The following RIT2 variants were observed in gnomAD, a reference collection of about 807,000 sequenced individuals.
RIT2 encodes GTP-binding protein Rit2.
Under a neutral mutation model 23.7 loss-of-function variants are expected in RIT2, and 24 were observed. The observed-to-expected ratio is 1.01, with a 90% confidence interval of 0.73 to 1.43. The LOEUF is 1.43. RIT2 is among the 40% of genes most tolerant of loss of function. The pLI is 0.00. For synonymous variants in RIT2, 107 were observed against 91.1 expected (o/e 1.17, Z -0.99); for missense variants, 236 against 266.9 (o/e 0.88, Z 0.81).
chr18:42,830,723 A>G (rs1455687525), intron 4 of RIT2, among the ~76,000 whole-genome samples: 1 of 152,212 alleles, frequency 6.6e-6, no homozygotes, highest in Non-Finnish European at 1.5e-5. Flanking sequence ...TGCCTTGTAA[A>G]TATAAAAACA....
chr18:43,004,407 A>C (rs570024905), intron 2 of RIT2, among the ~76,000 whole-genome samples: 1 of 151,968 alleles, frequency 6.6e-6, no homozygotes, highest in Non-Finnish European at 1.5e-5. Flanking sequence ...CTTAGCTTAC[A>C]TAAATTAGGG....
At chr18:42,989,884 T>C (rs910810237) in intron 2 of RIT2, among the ~76,000 whole-genome samples, 3 of 152,038 alleles carry the variant, frequency 2.0e-5, no homozygotes, top group Non-Finnish European at 4.4e-5. Context: ...AACTATTTCA[T>C]AGTTTACTTT....
chr18:42,877,282 C>T (rs192705356), intron 4 of RIT2, among the ~76,000 whole-genome samples: 392 of 151,730 alleles, frequency 2.6e-3, no homozygotes, highest in Middle Eastern at 0.014. Context: ...TATTCCTGCT[C>T]TATTTTTGAC....
intron 4 of RIT2, among the ~76,000 whole-genome samples, chr18:42,868,078 T>C (rs985656989): frequency 3.3e-5 from 5 of 152,218 alleles, no homozygotes; most frequent in Admixed American, 2.6e-4. Context: ...TCTTAACTTA[T>C]ACTATGAGAT....
In RIT2 at chr18:42,843,162, T is replaced by C. The variant is rs75487322; in HGVS notation, c.426+80410A>G. On this transcript the variant is annotated intron_variant, in intron 4 of 4. Coordinates refer to ENST00000326695, the MANE Select transcript of RIT2 (RefSeq NM_002930.4). Reference sequence around the variant, plus strand: ...GCAGTAGGTAAACACTCACCTCACATAGAATGTGATGAGTGCTATAGTTAG... The same window carrying C: ...GCAGTAGGTAAACACTCACCTCACACAGAATGTGATGAGTGCTATAGTTAG... 4.1e-3 allele frequency among the ~76,000 whole-genome samples: 617 copies of C among 152,304 alleles called. 1 individual carries two copies. The highest frequency in any genetic ancestry group is 0.014 in the Middle Eastern group (4 of 294).
chr18:43,076,772 A>G (rs140555502), intron 1 of RIT2, among the ~76,000 whole-genome samples: 31 of 152,342 alleles, frequency 2.0e-4, no homozygotes, highest in African/African-American at 7.5e-4. Context: ...AGAGACATTC[A>G]GATAGCAATG....
intron 4 of RIT2, among the ~76,000 whole-genome samples, chr18:42,788,985 T>G (rs1913981262): frequency 6.6e-6 from 1 of 152,212 alleles, no homozygotes; most frequent in Admixed American, 6.5e-5. Context: ...GGTAGAGATT[T>G]AATAAAATTA....
chr18:42,944,424 G>T (rs1909676135), intron 3 of RIT2, among the ~76,000 whole-genome samples: 1 of 151,988 alleles, frequency 6.6e-6, no homozygotes, highest in Non-Finnish European at 1.5e-5. Context: ...TCCTATATTT[G>T]CAGCAATGTC....
intron 3 of RIT2, among the ~76,000 whole-genome samples, chr18:42,932,141 T>C (rs191149232): frequency 5.3e-5 from 8 of 152,272 alleles, no homozygotes; most frequent in Non-Finnish European, 8.8e-5. Flanking sequence ...TCCCTCATGA[T>C]AGAAATGAGG....
intron 2 of RIT2, 24 bp downstream of exon 2, chr18:43,033,787 C>A: frequency 2.6e-6 from 4 of 1,538,270 alleles, no homozygotes; most frequent in Non-Finnish European, 3.6e-6. Flanking sequence ...TTTGAGCTTA[C>A]GGAGAAAGGA....
intron 4 of RIT2, among the ~76,000 whole-genome samples, chr18:42,761,505 T>A (rs1362446116): frequency 6.6e-6 from 1 of 152,182 alleles, no homozygotes; most frequent in African/African-American, 2.4e-5. Context: ...ATAATCAAAT[T>A]GACTTGAAAA....
At chr18:42,903,099 T>TA (rs905988055) in intron 4 of RIT2, among the ~76,000 whole-genome samples, 2 of 151,970 alleles carry the variant, frequency 1.3e-5, no homozygotes, top group Admixed American at 1.3e-4. Context: ...CACATGCTTT[T>TA]AAAAAATCAT....
At chr18:43,033,700 T>C (rs1911909632) in intron 2 of RIT2, 111 bp downstream of exon 2, 2 of 756,718 alleles carry the variant, frequency 2.6e-6, no homozygotes, top group South Asian at 1.6e-5. Flanking sequence ...GTATGTGTTC[T>C]GGGTCATAGA....
At chr18:42,840,457 G>A (rs1906732667) in intron 4 of RIT2, among the ~76,000 whole-genome samples, 1 of 152,136 alleles carries the variant, frequency 6.6e-6, no homozygotes, top group South Asian at 2.1e-4. Context: ...GCAATAGTTA[G>A]AGTATGCCAA....
intron 1 of RIT2, among the ~76,000 whole-genome samples, chr18:43,087,020 C>T (rs1056085346): frequency 8.5e-5 from 13 of 152,062 alleles, no homozygotes; most frequent in African/African-American, 2.4e-4. Context: ...GAGGCTCAGG[C>T]GGGTGAGTCA....
rs1037249742 is a variant in RIT2, at chr18:43,025,691, T to C, written c.160+8120A>G. On this transcript the variant is annotated intron_variant, in intron 2 of 4. Coordinates refer to ENST00000326695, the MANE Select transcript of RIT2 (RefSeq NM_002930.4). Reference sequence around the variant, plus strand: ...AAGAAATCATGTCTTCTGCAGCACATGGATGAAACTAGAGGCAATTAGCTT... The same window carrying C: ...AAGAAATCATGTCTTCTGCAGCACACGGATGAAACTAGAGGCAATTAGCTT... Among the ~76,000 whole-genome samples, 8 of 152,190 alleles carry C rather than the reference T, an allele frequency of 5.3e-5. No homozygotes were observed. In the South Asian group the frequency reaches 6.2e-4, roughly 12 times the overall value.
At chr18:43,040,409 A>G (rs1476350870) in intron 1 of RIT2, among the ~76,000 whole-genome samples, 2 of 152,162 alleles carry the variant, frequency 1.3e-5, no homozygotes, top group African/African-American at 4.8e-5. Context: ...ATTATTTTTC[A>G]CTTATGTCAA....
intron 4 of RIT2, among the ~76,000 whole-genome samples, chr18:42,830,524 T>A (rs1307682995): frequency 6.6e-6 from 1 of 152,192 alleles, no homozygotes; most frequent in Non-Finnish European, 1.5e-5. Context: ...GGAAATTATA[T>A]GCTGCCCATT....
At chr18:43,059,163 T>C (rs1002980034) in intron 1 of RIT2, among the ~76,000 whole-genome samples, 3 of 152,162 alleles carry the variant, frequency 2.0e-5, no homozygotes, top group African/African-American at 4.8e-5. Context: ...AAGTCATTGT[T>C]AGTATTTATT....
Sources: gnomAD v4.1 joint callset for allele counts (sites outside exome capture counted in the v4.1 genomes callset) on GRCh38, gnomAD v4.1.1 for gene constraint, MANE v1.5 for transcripts, NCBI Gene and HGNC (gene_info 2026-07-23, HGNC 2026-07-21) for gene names.